The following BAZ2B variants were observed in gnomAD, a reference collection of about 807,000 sequenced individuals.
BAZ2B encodes bromodomain adjacent to zinc finger domain protein 2B.
In BAZ2B, 91 loss-of-function variants were observed where a neutral mutation model predicts 246.0. The observed-to-expected ratio is 0.37, with a 90% CI of 0.31 to 0.44. The LOEUF (loss-of-function observed/expected upper bound fraction) is 0.44. Ranked by LOEUF, BAZ2B falls within the 20% of genes least tolerant of loss-of-function variation. The pLI, the probability that BAZ2B is intolerant of heterozygous loss-of-function variation, is 1.00. For synonymous variants in BAZ2B, 855 were observed against 860.0 expected (o/e 0.99, Z 0.10); for missense variants, 2,332 against 2,533.7 (o/e 0.92, Z 1.71).
At chr2:159,347,144 T>C (rs950291312) in intron 31 of BAZ2B, among the ~76,000 whole-genome samples, 1 of 152,218 alleles carries the variant, frequency 6.6e-6, no homozygotes, top group Non-Finnish European at 1.5e-5. Flanking sequence ...CACATTCATC[T>C]CAGTGAAACT....
chr2:159,565,548 G>A (rs1559788687), intron 1 of BAZ2B, among the ~76,000 whole-genome samples: 1 of 152,168 alleles, frequency 6.6e-6, no homozygotes, highest in Non-Finnish European at 1.5e-5. Flanking sequence ...GGTGGCCAAG[G>A]CGGGGGGATC....
At chr2:159,486,676 C>T (rs1487616538) in intron 2 of BAZ2B, among the ~76,000 whole-genome samples, 1 of 149,744 alleles carries the variant, frequency 6.7e-6, no homozygotes, top group Non-Finnish European at 1.5e-5. Flanking sequence ...CAAAAGTCTT[C>T]AAAGGAATAT....
At chr2:159,353,578 G>C (rs1287868452) in intron 27 of BAZ2B, among the ~76,000 whole-genome samples, 6 of 152,224 alleles carry the variant, frequency 3.9e-5, no homozygotes. Flanking sequence ...GAACTCCAGT[G>C]ATCTGCAGAG....
chr2:159,614,347 T>C (rs1224071719), intron 1 of BAZ2B, among the ~76,000 whole-genome samples: 1 of 152,180 alleles, frequency 6.6e-6, no homozygotes, highest in Non-Finnish European at 1.5e-5. Flanking sequence ...CAATTCTGCC[T>C]CTTAAATACT....
chr2:159,657,722 G>A, the BAZ2B span, among the ~76,000 whole-genome samples: 1 of 152,210 alleles, frequency 6.6e-6, no homozygotes, highest in Non-Finnish European at 1.5e-5. Context: ...TGGTGGTAAT[G>A]TAAAAGGTAT....
chr2:159,335,267 C>A (rs569404781), intron 33 of BAZ2B, among the ~76,000 whole-genome samples: 2 of 152,150 alleles, frequency 1.3e-5, no homozygotes, highest in African/African-American at 4.8e-5. Context: ...AAATTCTGGG[C>A]CAGGTGCGGT....
the BAZ2B span, among the ~76,000 whole-genome samples, chr2:159,705,839 A>G: frequency 6.6e-6 from 1 of 152,074 alleles, no homozygotes; most frequent in African/African-American, 2.4e-5. Context: ...AAACCTATCT[A>G]TGGCAAAAAA....
chr2:159,414,987 G>C (rs1035934661), intron 13 of BAZ2B, among the ~76,000 whole-genome samples: 3 of 152,114 alleles, frequency 2.0e-5, no homozygotes, highest in African/African-American at 7.2e-5. Flanking sequence ...ACAAATTTTG[G>C]AAGGGAGAAG....
At position 159,432,980 on chromosome 2, in the gene BAZ2B, C is replaced by T. The variant is rs376569654; in HGVS notation, c.1677G>A (p.Leu559=). 4.3e-6 allele frequency: 7 copies of T among 1,614,148 alleles called. No individual in the cohort carries two copies. Among genetic ancestry groups the T allele is most frequent in the Non-Finnish European group, 5.9e-6 (7 of 1,180,022 alleles). ...TPVMPSASPI[L]HSQGKEKAVS... ...CTGCTTTTTCCTTCCCTTGACTATG[C>T]AGGATGGGAGAGGCAGAGGGCATTA... is the stretch of plus-strand genomic sequence containing the variant. The change falls in exon 9 of 37, where the codon CTG becomes CTA. Residue 559 remains leucine (L), a synonymous_variant. Coordinates refer to ENST00000392783, the MANE Select transcript of BAZ2B (RefSeq NM_013450.4).
At chr2:159,331,280 T>TTGAATGAC (rs1410271442) in intron 34 of BAZ2B, among the ~76,000 whole-genome samples, 3 of 152,214 alleles carry the variant, frequency 2.0e-5, no homozygotes, top group African/African-American at 7.2e-5. Context: ...ATTTTCTCAG[T>TTGAATGAC]TGAATGACAA....
the BAZ2B span, among the ~76,000 whole-genome samples, chr2:159,662,762 C>A: frequency 1.3e-5 from 2 of 151,788 alleles, no homozygotes; most frequent in Non-Finnish European, 2.9e-5. Flanking sequence ...GAACTCCTGA[C>A]CTCAAATGAT....
chr2:159,397,035 A>G lies in BAZ2B; in HGVS notation c.3009+310T>C, dbSNP rs181884372. On this transcript the variant is annotated intron_variant, in intron 19 of 36. Coordinates refer to ENST00000392783, the MANE Select transcript of BAZ2B (RefSeq NM_013450.4). ...GACAACCATATCACAACCAAATCAC[A>G]ATGCGGTGTTAGATGTACAAAAATA... 109 of 1,335,518 alleles carry G rather than the reference A, an allele frequency of 8.2e-5. 1 individual carries two copies. In the East Asian group the frequency reaches 4.6e-3, roughly 56 times the overall value. The allele number at this position is 1,335,518 out of a possible 1,614,324, so 82.7% of individuals were successfully genotyped here. A position where few individuals can be genotyped will look rare whatever the true frequency, so the allele number is the denominator to read the frequency against.
At chr2:159,346,842 T>C (rs1174821544) in intron 31 of BAZ2B, among the ~76,000 whole-genome samples, 1 of 152,124 alleles carries the variant, frequency 6.6e-6, no homozygotes, top group East Asian at 1.9e-4. Context: ...GTTTGTCCAC[T>C]GGAAACCAGT....
intron 34 of BAZ2B, among the ~76,000 whole-genome samples, chr2:159,328,716 T>C (rs2064155055): frequency 6.6e-6 from 1 of 152,134 alleles, no homozygotes; most frequent in Non-Finnish European, 1.5e-5. Context: ...GTTTGAAATG[T>C]CTAATATGTG....
chr2:159,536,463 C>T (rs1400863465), intron 2 of BAZ2B: 1 of 151,996 alleles, frequency 6.6e-6, no homozygotes, highest in Non-Finnish European at 1.5e-5. Flanking sequence ...CTCAGTAACC[C>T]AGAAAGAACA....
chr2:159,347,517 CTTTCTAGATCTTCT>C lies in BAZ2B; in HGVS notation c.5409_5422del (p.Asp1805SerfsTer27), dbSNP rs1411459520. 6.2e-7 allele frequency: 1 copy of C among 1,613,740 alleles called. No homozygotes were observed. Among genetic ancestry groups the C allele is most frequent in the African/African-American group, 1.3e-5 (1 of 74,902 alleles). On this transcript the variant is annotated frameshift_variant, in exon 31 of 37. Transcript: ENST00000392783. LOFTEE classifies it high-confidence loss of function. ...TTGCAAACTTGCTGATGCAACTCTC[CTTTCTAGATCTTCT>C]ACCTGTTGAAGGACACTCAAATCCA...
At chr2:159,454,128 A>G (rs2150479732) in intron 3 of BAZ2B, among the ~76,000 whole-genome samples, 1 of 152,248 alleles carries the variant, frequency 6.6e-6, no homozygotes, top group African/African-American at 2.4e-5. Context: ...ATACATTAAT[A>G]TATTTTCAAT....
At chr2:159,563,388 T>C (rs2090067253) in intron 1 of BAZ2B, among the ~76,000 whole-genome samples, 2 of 152,176 alleles carry the variant, frequency 1.3e-5, no homozygotes, top group Admixed American at 6.5e-5. Context: ...ACAAGGGATA[T>C]TGTGAAGTTT....
At chr2:159,537,551 G>A (rs368115454) in intron 2 of BAZ2B, among the ~76,000 whole-genome samples, 29 of 152,198 alleles carry the variant, frequency 1.9e-4, no homozygotes, top group South Asian at 1.7e-3. Context: ...GTAGAGCTTC[G>A]CCTGTACCTA....
Sources: allele counts gnomAD v4.1 joint callset (sites outside exome capture counted in the v4.1 genomes callset), GRCh38; gene constraint gnomAD v4.1.1; transcripts MANE v1.5; gene names NCBI Gene and HGNC (gene_info 2026-07-23, HGNC 2026-07-21).